KIF23: variants seen among roughly 807,000 people sequenced by gnomAD.
KIF23 encodes the protein kinesin-like protein KIF23.
In KIF23, 30 loss-of-function variants were observed where a neutral mutation model predicts 137.5. That is an observed-to-expected ratio of 0.22 (90% CI 0.16 to 0.30). The LOEUF is 0.30. KIF23 is among the 10% of genes least tolerant of loss of function. The pLI is 1.00. For synonymous variants in KIF23, 367 were observed against 391.1 expected (o/e 0.94, Z 0.73); for missense variants, 920 against 1,194.3 (o/e 0.77, Z 3.38).
intron 7 of KIF23, among the ~76,000 whole-genome samples, chr15:69,423,532 T>C (rs1054702076): frequency 2.0e-5 from 3 of 152,184 alleles, no homozygotes; most frequent in African/African-American, 7.2e-5. Context: ...AGGGAACTAG[T>C]GGGTTAAAGC....
intron 21 of KIF23, 49 bp downstream of exon 21, chr15:69,446,140 C>T: frequency 6.5e-7 from 1 of 1,530,138 alleles, no homozygotes; most frequent in Non-Finnish European, 9.1e-7. Flanking sequence ...ATTTTCTTAG[C>T]TGCTCATTTT....
At chr15:69,417,605 C>G in intron 3 of KIF23, 94 bp downstream of exon 3, 2 of 1,356,130 alleles carry the variant, frequency 1.5e-6, no homozygotes, top group South Asian at 1.4e-5. Flanking sequence ...ATTTGTGAGC[C>G]CACATTTTCA....
chr15:69,444,557 C>A lies in KIF23; in HGVS notation c.2422-233C>A. 4.1e-6 allele frequency: 2 copies of A among 483,622 alleles called. No individual in the cohort carries two copies. Among genetic ancestry groups the A allele is most frequent in the East Asian group, 3.6e-5 (1 of 27,462 alleles). 30.0% of individuals were successfully genotyped at this position (483,622 alleles called of 1,614,324 possible). ...ACTTGCAGCATTACCAGAATTTTTT[C>A]TTTTATCCTTTATTGAAAGGGAAAC... On this transcript the variant is annotated intron_variant, in intron 19 of 23. Coordinates refer to ENST00000679126, the MANE Select transcript of KIF23 (RefSeq NM_001367805.3). This position sits in a 1 kb window ranked among gnomAD's most constrained non-coding sequence, Gnocchi z 4.2.
Position 69,415,980 on chromosome 15 carries a change from T to A in KIF23, c.12-14T>A. The stretch of plus-strand genomic sequence containing the variant: ...TGAAAAAAAAGTTATTATTATTTTT[T>A]AATCTATGACCAGGAGAGCTAAGAC... On this transcript the variant is annotated splice_polypyrimidine_tract_variant and intron_variant, in intron 1 of 23. Transcript: ENST00000679126. 6.4e-7 allele frequency: 1 copy of A among 1,553,124 alleles called. No individual in the cohort carries two copies.
rs1407222030 is a variant in KIF23, at chr15:69,421,682, C to T, written c.246C>T (p.His82=). The T allele has an allele frequency of 6.2e-7, 1 of 1,613,712 alleles. No individual in the cohort carries two copies. The highest frequency in any genetic ancestry group is 8.5e-7 in the Non-Finnish European group (1 of 1,179,694). Residue 82 remains histidine (H), a synonymous_variant, in exon 4 of 24, where the codon CAC becomes CAT. Transcript: ENST00000679126. ...QYSFKQVFGT[H]TTQKELFDVV... ...CATTTAAACAAGTATTTGGCACTCA[C>T]ACCACCCAGAAGGAACTCTTTGATG...
At chr15:69,414,508 G>A (rs1030696538) in intron 1 of KIF23, 32 bp downstream of exon 1, 8 of 1,540,284 alleles carry the variant, frequency 5.2e-6, no homozygotes, top group Non-Finnish European at 6.1e-6. Flanking sequence ...AGGGAGAGAG[G>A]GCGGACGGGG....
intron 12 of KIF23, 29 bp from the exon 13 acceptor site, chr15:69,435,623 A>G: frequency 6.2e-7 from 1 of 1,612,662 alleles, no homozygotes; most frequent in Non-Finnish European, 8.5e-7. Flanking sequence ...TTTTTTGCGT[A>G]ACACATTTGG....
chr15:69,422,751 C>T, intron 6 of KIF23: 1 of 307,474 alleles, frequency 3.3e-6, no homozygotes, highest in Non-Finnish European at 5.9e-6. Context: ...TGCATTTCTG[C>T]TTGTAATTGC....
intron 1 of KIF23, chr15:69,414,712 A>G: frequency 2.4e-6 from 1 of 420,432 alleles, no homozygotes; most frequent in Non-Finnish European, 4.1e-6. Context: ...CTGGGCCTCC[A>G]AGGGGCCAGG....
chr15:69,417,682 A>G (rs2056953074), intron 3 of KIF23, among the ~76,000 whole-genome samples, 171 bp downstream of exon 3: 1 of 152,234 alleles, frequency 6.6e-6, no homozygotes, highest in African/African-American at 2.4e-5. Context: ...ATGCACAGAC[A>G]TACCTTTGGT....
rs772927863 is a variant in KIF23, at chr15:69,429,228, G to T, written c.1114+15G>T. The T allele has an allele frequency of 9.0e-6, 14 of 1,563,626 alleles. No individual in the cohort carries two copies. Among genetic ancestry groups the T allele is most frequent in the East Asian group, 2.3e-5 (1 of 44,150 alleles). On this transcript the variant is annotated intron_variant, in intron 11 of 23. Transcript: ENST00000679126. ...ACGTGAAGCTGGTGAGTAAAGCATG[G>T]TATTTATTTATTGCTACAACTTTCA...
chr15:69,423,042 G>A (rs2057098877), intron 6 of KIF23, 117 bp from the exon 7 acceptor site: 12 of 666,588 alleles, frequency 1.8e-5, no homozygotes, highest in East Asian at 3.0e-5. Flanking sequence ...CAGGTGATCC[G>A]CCTGCCTCGG....
At position 69,421,759 on chromosome 15, in the gene KIF23, T is replaced by C; in HGVS notation, c.316+7T>C. The C allele has an allele frequency of 6.3e-7, 1 of 1,581,270 alleles. No individual in the cohort carries two copies. The highest frequency in any genetic ancestry group is 1.3e-5 in the African/African-American group (1 of 74,290). ...CTCATTCATGGCAAAAATGGTATGATATGACTCTTGGAGTTTTGTTAGATT... is the reference window on the plus strand; with the variant it reads ...CTCATTCATGGCAAAAATGGTATGACATGACTCTTGGAGTTTTGTTAGATT... On this transcript the variant is annotated splice_region_variant and intron_variant, in intron 4 of 23. Coordinates refer to ENST00000679126, the MANE Select transcript of KIF23 (RefSeq NM_001367805.3).
chr15:69,435,378 T>A (rs1435327280), intron 11 of KIF23, 105 bp from the exon 12 acceptor site: 2 of 833,346 alleles, frequency 2.4e-6, no homozygotes, highest in Non-Finnish European at 3.7e-6. Context: ...ATTTATAATT[T>A]CTATCTAGTA....
At position 69,426,426 on chromosome 15, in the gene KIF23, C is replaced by T. The variant is rs1189249954; in HGVS notation, c.980C>T (p.Pro327Leu). The T allele has an allele frequency of 6.2e-7, 1 of 1,613,944 alleles. No individual in the cohort carries two copies. The highest frequency in any genetic ancestry group is 1.3e-5 in the African/African-American group (1 of 74,904). ...TTCAACATTAAATTAGTTCAGGCTC[C>T]CTTGGATGCAGATGGAGACAATGTC... ...SVFNIKLVQA[P>L]LDADGDNVLQ... The change falls in exon 10 of 24, where the codon CCC becomes CTC. Residue 327 changes from proline (P) to leucine (L), a missense_variant. Physicochemically the swap from Pro to Leu is moderately conservative, Grantham distance 98. Transcript: ENST00000679126.
intron 10 of KIF23, among the ~76,000 whole-genome samples, chr15:69,427,903 C>T (rs1039312630): frequency 3.9e-5 from 6 of 152,144 alleles, no homozygotes; most frequent in African/African-American, 1.2e-4. Context: ...GGAGGTAATG[C>T]GTGTAAAGTT....
At chr15:69,446,733 T>C in intron 22 of KIF23, 138 bp from the exon 23 acceptor site, 1 of 789,616 alleles carries the variant, frequency 1.3e-6, no homozygotes, top group Non-Finnish European at 2.2e-6. Flanking sequence ...TACGAGTGAC[T>C]GGTGTTTTAA....
chr15:69,426,294 G>T, intron 9 of KIF23, 42 bp from the exon 10 acceptor site: 1 of 1,609,856 alleles, frequency 6.2e-7, no homozygotes, highest in South Asian at 1.1e-5. Flanking sequence ...ATAATGAAAT[G>T]ACTGAGTTCA....
intron 19 of KIF23, chr15:69,443,830 A>C (rs1596025776): frequency 6.6e-6 from 1 of 152,058 alleles, no homozygotes; most frequent in Non-Finnish European, 1.5e-5. Flanking sequence ...CCCAGGCTGG[A>C]GTGCAGTGGT....
Sources: allele counts gnomAD v4.1 joint callset (sites outside exome capture counted in the v4.1 genomes callset), GRCh38; gene constraint gnomAD v4.1.1; non-coding constraint Gnocchi (gnomAD v3.1); transcripts MANE v1.5; gene names NCBI Gene and HGNC (gene_info 2026-07-23, HGNC 2026-07-21).